The following MYO7B variants were observed in gnomAD, a reference collection of about 807,000 sequenced individuals.
The protein encoded by MYO7B is unconventional myosin-VIIb.
Under a neutral mutation model 259.7 loss-of-function variants are expected in MYO7B, and 212 were observed. The ratio of observed to expected loss-of-function variants is 0.82; its 90% CI spans 0.73 to 0.91. The LOEUF is 0.91. MYO7B is among the 40% of genes least tolerant of loss of function. The pLI, the probability that MYO7B is intolerant of heterozygous loss-of-function variation, is 0.00. For synonymous variants in MYO7B, 1,197 were observed against 1,166.4 expected (o/e 1.03, Z -0.54); for missense variants, 2,732 against 2,813.5 (o/e 0.97, Z 0.66).
intron 30 of MYO7B, 37 bp from the exon 31 acceptor site, chr2:127,625,331 G>C (rs1214965141): frequency 6.8e-7 from 1 of 1,467,442 alleles, no homozygotes; most frequent in Non-Finnish European, 9.1e-7. Flanking sequence ...GCTCTCACTT[G>C]TCTCACTCGC....
chr2:127,574,091 G>A, intron 7 of MYO7B, 29 bp downstream of exon 7: 3 of 1,612,930 alleles, frequency 1.9e-6, no homozygotes, highest in South Asian at 1.1e-5. Context: ...CAGGTCGGGA[G>A]TTGAGGGAAT....
intron 19 of MYO7B, 60 bp downstream of exon 19, chr2:127,596,616 G>A: frequency 1.4e-6 from 2 of 1,381,058 alleles, no homozygotes; most frequent in Non-Finnish European, 2.0e-6. Flanking sequence ...CCCCACACAG[G>A]CCTGCAGCCC....
intron 24 of MYO7B, 141 bp downstream of exon 24, chr2:127,610,157 C>T: frequency 8.6e-7 from 1 of 1,169,378 alleles, no homozygotes; most frequent in East Asian, 2.6e-5. Context: ...ACCCAGCCCC[C>T]AGGCCATGGT....
intron 26 of MYO7B, among the ~76,000 whole-genome samples, chr2:127,618,261 G>A (rs1680662638): frequency 6.6e-6 from 1 of 152,122 alleles, no homozygotes; most frequent in African/African-American, 2.4e-5. Flanking sequence ...GGAACGAAGG[G>A]GGATGAACGT....
At chr2:127,603,355 T>A (rs1680035044) in intron 19 of MYO7B, among the ~76,000 whole-genome samples, 1 of 152,226 alleles carries the variant, frequency 6.6e-6, no homozygotes, top group Non-Finnish European at 1.5e-5. Flanking sequence ...ATTTCTTAAA[T>A]AAGACTTGAC....
In MYO7B at chr2:127,605,926, C is replaced by A. The variant is rs1191599392; in HGVS notation, c.2422C>A (p.Leu808Met). The A allele has an allele frequency of 1.6e-5, 26 of 1,606,820 alleles. No individual in the cohort carries two copies. Among genetic ancestry groups the A allele is most frequent in the Non-Finnish European group, 2.2e-5 (26 of 1,178,490 alleles). The change falls in exon 20 of 48, where the codon CTG becomes ATG. Residue 808 changes from leucine to methionine, a missense_variant and splice_region_variant. Around this residue, in one of 3 missense-constraint regions of MYO7B, gnomAD observed 1,906 missense variants for 2,026.4 expected, o/e 0.94. Transcript: ENST00000409816. ...RGYCNRRNFK[L>M]ILVGFERLQA... ...CTACTGCAACAGGAGGAATTTCAAGCTGGTGAGAGAGCTCTCTGGGGCGGC... is the reference window on the plus strand; with the variant it reads ...CTACTGCAACAGGAGGAATTTCAAGATGGTGAGAGAGCTCTCTGGGGCGGC...
At chr2:127,583,934 T>C (rs573719420) in intron 12 of MYO7B, among the ~76,000 whole-genome samples, 188 bp from the exon 13 acceptor site, 7 of 142,526 alleles carry the variant, frequency 4.9e-5, no homozygotes, top group African/African-American at 1.7e-4. Flanking sequence ...GTGACAGTGA[T>C]GGAGGCAGAC....
chr2:127,592,884 T>TG lies in MYO7B; in HGVS notation c.2083_2084insG (p.Tyr695Ter). The TG allele has an allele frequency of 6.2e-7, 1 of 1,609,668 alleles. No individual in the cohort carries two copies. Among genetic ancestry groups the TG allele is most frequent in the Admixed American group, 1.7e-5 (1 of 59,636 alleles). Residue 695 changes from tyrosine to a stop codon, truncating the protein, a stop_gained and frameshift_variant, in exon 17 of 48, where the codon TAC becomes TGAC. Transcript: ENST00000409816. LOFTEE classifies it high-confidence loss of function. The stretch of plus-strand genomic sequence containing the variant: ...CCGCAAGTCGGGCTTCCCCATCCGC[T>TG]ACACGTTCGAGGAGTTCTCGCAGAG... ...HIRKSGFPIR[Y>*]TFEEFSQRFG...
chr2:127,610,953 C>G (rs1680362443), intron 24 of MYO7B, among the ~76,000 whole-genome samples: 1 of 152,226 alleles, frequency 6.6e-6, no homozygotes, highest in Non-Finnish European at 1.5e-5. Context: ...CTAACTGCTT[C>G]AAATAGCACA....
At chr2:127,574,158 C>T (rs1289036818) in intron 7 of MYO7B, 96 bp downstream of exon 7, 1 of 1,492,150 alleles carries the variant, frequency 6.7e-7, no homozygotes, top group Non-Finnish European at 9.1e-7. Flanking sequence ...CCCCTCTTCC[C>T]CAAGGGCCCT....
intron 4 of MYO7B, among the ~76,000 whole-genome samples, chr2:127,566,059 G>A (rs1678327190): frequency 6.6e-6 from 1 of 152,258 alleles, no homozygotes; most frequent in Non-Finnish European, 1.5e-5. Flanking sequence ...GCTTTTGCCT[G>A]CACTCCTCAT....
Position 127,584,727 on chromosome 2 carries a change from C to T in MYO7B, c.1555-51C>T. On this transcript the variant is annotated intron_variant, in intron 13 of 47. Coordinates refer to ENST00000409816, the MANE Select transcript of MYO7B (RefSeq NM_001393586.1). The surrounding 1 kb of genome is among the most constrained non-coding windows in gnomAD (Gnocchi z 5.8). ...GAGGAAGTCCCTGAGCCTCACCTCC[C>T]CATGGCTGGACTCTGGGACCTCAGC... 1 of 1,604,786 alleles carries T rather than the reference C, an allele frequency of 6.2e-7. No individual in the cohort carries two copies.
chr2:127,608,278 G>C (rs1331271574), intron 21 of MYO7B, among the ~76,000 whole-genome samples: 1 of 152,228 alleles, frequency 6.6e-6, no homozygotes, highest in Non-Finnish European at 1.5e-5. Context: ...CATGCCCCCA[G>C]CTGCCTGCAA....
chr2:127,592,237 A>C lies in MYO7B; in HGVS notation c.1993-557A>C, dbSNP rs561504270. Among the ~76,000 whole-genome samples, 549 of 152,240 alleles carry C rather than the reference A, an allele frequency of 3.6e-3. 3 individuals carry two copies. Among genetic ancestry groups the C allele is most frequent in the African/African-American group, 0.013 (527 of 41,552 alleles). On this transcript the variant is annotated intron_variant, in intron 16 of 47. Coordinates refer to ENST00000409816, the MANE Select transcript of MYO7B (RefSeq NM_001393586.1). ...GGTGAAACTCCGTCTTTAACTAAAA[A>C]TACAAAACTTACCCGGGCGTGGTGC...
chr2:127,590,346 C>T lies in MYO7B; in HGVS notation c.1992+117C>T, dbSNP rs535218455. ...GCTAGCGTTAGAGCTGTTACTGCCC[C>T]TACCTTACAGATAAGTACACTGGGG... is the stretch of plus-strand genomic sequence containing the variant. On this transcript the variant is annotated intron_variant, in intron 16 of 47. Coordinates refer to ENST00000409816, the MANE Select transcript of MYO7B (RefSeq NM_001393586.1). This position sits in a 1 kb window ranked among gnomAD's most constrained non-coding sequence, Gnocchi z 4.6. 7.1e-7 allele frequency: 1 copy of T among 1,410,938 alleles called. No homozygotes were observed. Among genetic ancestry groups the T allele is most frequent in the East Asian group, 2.4e-5 (1 of 42,468 alleles). 87.4% of individuals were successfully genotyped at this position (1,410,938 alleles called of 1,614,324 possible). A position where few individuals can be genotyped will look rare whatever the true frequency, so the allele number is the denominator to read the frequency against.
At position 127,636,483 on chromosome 2, in the gene MYO7B, T is replaced by C; in HGVS notation, c.6124-62T>C. The C allele has an allele frequency of 6.6e-7, 1 of 1,523,808 alleles. No homozygotes were observed. Among genetic ancestry groups the C allele is most frequent in the Non-Finnish European group, 9.0e-7 (1 of 1,113,900 alleles). 94.4% of individuals were successfully genotyped at this position (1,523,808 alleles called of 1,614,324 possible). On this transcript the variant is annotated intron_variant, in intron 45 of 47. Coordinates refer to ENST00000409816, the MANE Select transcript of MYO7B (RefSeq NM_001393586.1). This position sits in a 1 kb window ranked among gnomAD's most constrained non-coding sequence, Gnocchi z 4.5. ...GTATGTGCGTGTGGCCTAGATGAGC[T>C]CCTGGGAGGTGCAGCCTGGCCTCCC...
chr2:127,599,520 T>C (rs1172600054), intron 19 of MYO7B, among the ~76,000 whole-genome samples: 1 of 152,232 alleles, frequency 6.6e-6, no homozygotes, highest in Non-Finnish European at 1.5e-5. Flanking sequence ...TTTTATTTCC[T>C]TCTCTTGCCT....
In MYO7B at chr2:127,584,465, A is replaced by G. The variant is rs969211254; in HGVS notation, c.1554+133A>G. 1.2e-5 allele frequency: 12 copies of G among 1,006,034 alleles called. No homozygotes were observed. The highest frequency in any genetic ancestry group is 2.9e-6 in the Non-Finnish European group (2 of 691,426). The allele number at this position is 1,006,034 out of a possible 1,614,324, so 62.3% of individuals were successfully genotyped here. ...AACCTCTGCCAGGAATAAGCAGAAG[A>G]GCCTCAGTCTAACCAGACAGACCCT... On this transcript the variant is annotated intron_variant, in intron 13 of 47. Coordinates refer to ENST00000409816, the MANE Select transcript of MYO7B (RefSeq NM_001393586.1). The surrounding 1 kb of genome is among the most constrained non-coding windows in gnomAD (Gnocchi z 5.8).
In MYO7B at chr2:127,627,107, C is replaced by T. The variant is rs772680010; in HGVS notation, c.4333+15C>T. ...CACACTCTCAGGTAATGGCATCTGA[C>T]AGGGGGCAGGGAGCAGGTATGGGCT... On this transcript the variant is annotated intron_variant, in intron 32 of 47. Transcript: ENST00000409816. The surrounding 1 kb of genome is among the most constrained non-coding windows in gnomAD (Gnocchi z 5.6). 3.7e-6 allele frequency: 6 copies of T among 1,607,408 alleles called. No individual in the cohort carries two copies. Among genetic ancestry groups the T allele is most frequent in the Non-Finnish European group, 3.4e-6 (4 of 1,177,290 alleles).
Sources: allele counts gnomAD v4.1 joint callset (sites outside exome capture counted in the v4.1 genomes callset), GRCh38; gene constraint gnomAD v4.1.1; regional missense constraint gnomAD v4.1.1; non-coding constraint Gnocchi (gnomAD v3.1); transcripts MANE v1.5; gene names NCBI Gene and HGNC (gene_info 2026-07-23, HGNC 2026-07-21).